The following SH3TC1 variants were observed in gnomAD, a reference collection of about 807,000 sequenced individuals.
The protein encoded by SH3TC1 is SH3 domain and tetratricopeptide repeats 1.
SH3TC1 carries 135 observed loss-of-function variants against 117.3 expected under a neutral mutation model. The ratio of observed to expected loss-of-function variants is 1.15; its 90% CI spans 1.00 to 1.33. The LOEUF (loss-of-function observed/expected upper bound fraction) is 1.33. Ranked by LOEUF, SH3TC1 falls within the 40% of genes most tolerant of loss-of-function variation. The pLI, the probability that SH3TC1 is intolerant of heterozygous loss-of-function variation, is 0.00. For synonymous variants in SH3TC1, 898 were observed against 816.9 expected (o/e 1.10, Z -1.69); for missense variants, 2,092 against 1,794.3 (o/e 1.17, Z -3.00).
At chr4:8,232,258 C>T (rs2152995081) in intron 13 of SH3TC1, 102 bp downstream of exon 13, 2 of 1,417,478 alleles carry the variant, frequency 1.4e-6, no homozygotes, top group East Asian at 2.7e-5. Context: ...CAGCCCCTCT[C>T]CTTGGGATCA....
intron 13 of SH3TC1, chr4:8,232,689 T>C (rs979594538): frequency 1.5e-6 from 2 of 1,290,594 alleles, no homozygotes. Flanking sequence ...ACCATGGCCC[T>C]GGCCACCCCA....
At chr4:8,211,568 G>A (rs981589364) in intron 3 of SH3TC1, among the ~76,000 whole-genome samples, 1 of 139,652 alleles carries the variant, frequency 7.2e-6, no homozygotes, top group African/African-American at 2.6e-5. Flanking sequence ...TCTCCCTTGG[G>A]GCAGCCATGC....
At position 8,232,028 on chromosome 4, in the gene SH3TC1, C is replaced by T. The variant is rs1435003876; in HGVS notation, c.3003C>T (p.Pro1001=). Residue 1001 remains proline (P), a synonymous_variant, in exon 13 of 18, where the codon CCC becomes CCT. Transcript: ENST00000245105. ...GCCACTTCTACAGCGCCGTCATGCC[C>T]AGCGAGGCCCAGTGTGTCATCTACC... ...RLCHFYSAVM[P]SEAQCVIYHE... is the part of the protein sequence containing the mutation. 5 of 1,613,124 alleles carry T rather than the reference C, an allele frequency of 3.1e-6. No homozygotes were observed. Among genetic ancestry groups the T allele is most frequent in the Non-Finnish European group, 8.5e-7 (1 of 1,180,042 alleles).
chr4:8,226,597 C>T (rs1242977613), intron 11 of SH3TC1, among the ~76,000 whole-genome samples: 1 of 152,322 alleles, frequency 6.6e-6, no homozygotes, highest in South Asian at 2.1e-4. Flanking sequence ...CGTAGTGCTG[C>T]GTACACTTGG....
chr4:8,233,639 C>T (rs1261846264), intron 14 of SH3TC1, 126 bp downstream of exon 14: 3 of 1,149,628 alleles, frequency 2.6e-6, no homozygotes, highest in African/African-American at 3.2e-5. Flanking sequence ...TCCTTCCTTC[C>T]ATCCATCCAT....
At chr4:8,234,116 T>C (rs912646975) in intron 14 of SH3TC1, among the ~76,000 whole-genome samples, 11 of 151,202 alleles carry the variant, frequency 7.3e-5, no homozygotes, top group Non-Finnish European at 1.0e-4. Context: ...CACCTGTTGA[T>C]CCTTCCATCA....
At position 8,205,515 on chromosome 4, in the gene SH3TC1, T is replaced by G; in HGVS notation, c.172+149T>G. On this transcript the variant is annotated intron_variant, in intron 2 of 17. Coordinates refer to ENST00000245105, the MANE Select transcript of SH3TC1 (RefSeq NM_018986.5). The surrounding 1 kb of genome is among the most constrained non-coding windows in gnomAD (Gnocchi z 5.4). ...CTGCTCTCCATCACTTCTCGTTTCC[T>G]TCCCCCGCGTGTGTTTAACAGGAGC... 4.6e-6 allele frequency: 5 copies of G among 1,092,080 alleles called. No homozygotes were observed. The Middle Eastern group carries it at 5.9e-4, about 129-fold the overall frequency. The allele number at this position is 1,092,080 out of a possible 1,614,324, so 67.6% of individuals were successfully genotyped here.
At position 8,227,479 on chromosome 4, in the gene SH3TC1, G is replaced by A; in HGVS notation, c.1785G>A (p.Gly595=). ...TGGGGGCCCTGGAGGGCAGCTTCGG[G>A]GACCTGTTCCTAGTGGTGGCTGTGT... ...EALGALEGSF[G]DLFLVVAVYA... The change falls in exon 12 of 18, where the codon GGG becomes GGA. Residue 595 remains glycine (G), a synonymous_variant. Transcript: ENST00000245105. The A allele has an allele frequency of 6.4e-7, 1 of 1,565,650 alleles. No individual in the cohort carries two copies.
rs1721950239 is a variant in SH3TC1 at position 8,237,665 on chromosome 4, C to G, written c.3748C>G (p.Leu1250Val). 3.1e-6 allele frequency: 5 copies of G among 1,599,654 alleles called. No individual in the cohort carries two copies. The highest frequency in any genetic ancestry group is 3.4e-6 in the Non-Finnish European group (4 of 1,171,438). ...LVLGDIIFYDLKDPFDAAGYY... is the reference protein window; with the variant it reads ...LVLGDIIFYDVKDPFDAAGYY... ...GCTCGGTGACATCATCTTCTACGAC[C>G]TGAAGGTGGGTGGGGAGGGGCTGGG... The change falls in exon 17 of 18, where the codon CTG (leucine) becomes GTG (valine). Residue 1250 changes from leucine to valine, a missense_variant. Physicochemically the swap from Leu to Val is conservative, Grantham distance 32 (BLOSUM62 1). Transcript: ENST00000245105.
rs1718258643 is a variant in SH3TC1 at position 8,206,924 on chromosome 4, A to G, written c.172+1558A>G. On this transcript the variant is annotated intron_variant, in intron 2 of 17. Transcript: ENST00000245105. The surrounding 1 kb of genome is among the most constrained non-coding windows in gnomAD (Gnocchi z 5.5). Reference sequence around the variant, plus strand: ...TGCAGACATGATGCCCCTTCATCCTAAAAGGTGTCCATATTTCCTAAAACC... The same window carrying G: ...TGCAGACATGATGCCCCTTCATCCTGAAAGGTGTCCATATTTCCTAAAACC... Among the ~76,000 whole-genome samples the G allele has an allele frequency of 1.3e-5, 2 of 151,836 alleles. No individual in the cohort carries two copies. The highest frequency in any genetic ancestry group is 2.1e-4 in the South Asian group (1 of 4,820).
chr4:8,232,488 G>T, intron 13 of SH3TC1: 3 of 1,421,552 alleles, frequency 2.1e-6, no homozygotes, highest in Non-Finnish European at 2.8e-6. Flanking sequence ...TCTGACCTCT[G>T]CCTGCCCCGA....
At chr4:8,204,936 C>T (rs575878238) in intron 1 of SH3TC1, 19 of 354,416 alleles carry the variant, frequency 5.4e-5, no homozygotes, top group Middle Eastern at 7.4e-4. Flanking sequence ...GAGGAGGCCC[C>T]GTGGAGGAAG....
Position 8,225,984 on chromosome 4 carries a change from C to T in SH3TC1, c.1285+768C>T, listed in dbSNP as rs1448659455. Among the ~76,000 whole-genome samples, 1 of 152,092 alleles carries T rather than the reference C, an allele frequency of 6.6e-6. No individual in the cohort carries two copies. Among genetic ancestry groups the T allele is most frequent in the Non-Finnish European group, 1.5e-5 (1 of 68,032 alleles). On this transcript the variant is annotated intron_variant, in intron 11 of 17. Coordinates refer to ENST00000245105, the MANE Select transcript of SH3TC1 (RefSeq NM_018986.5). This position sits in a 1 kb window ranked among gnomAD's most constrained non-coding sequence, Gnocchi z 5.5. ...AATAGCTGGGAGGGGCTGTTTGCCT[C>T]TGCCGGGCAGGGAGATTTCTTAGCT...
At chr4:8,234,391 C>CAT (rs1721603120) in intron 14 of SH3TC1, among the ~76,000 whole-genome samples, 3 of 152,002 alleles carry the variant, frequency 2.0e-5, no homozygotes, top group Non-Finnish European at 4.4e-5. Context: ...TCTATCCATC[C>CAT]ATATGTACAT....
intron 7 of SH3TC1, among the ~76,000 whole-genome samples, chr4:8,218,010 A>G (rs1194533668): frequency 1.3e-5 from 2 of 151,358 alleles, no homozygotes; most frequent in African/African-American, 4.8e-5. Context: ...CCAGGCCCAC[A>G]GGGGTGGCGG....
intron 16 of SH3TC1, 60 bp downstream of exon 16, chr4:8,236,488 G>C: frequency 7.1e-7 from 1 of 1,417,574 alleles, no homozygotes; most frequent in Non-Finnish European, 9.2e-7. Context: ...TCAGCCTCCA[G>C]GTCTGCAGGG....
At chr4:8,232,662 C>A in intron 13 of SH3TC1, 2 of 1,293,602 alleles carry the variant, frequency 1.5e-6, no homozygotes, top group Non-Finnish European at 2.0e-6. Context: ...CCTGGAGCAT[C>A]CTGACCTGGT....
At position 8,225,019 on chromosome 4, in the gene SH3TC1, C is replaced by A; in HGVS notation, c.1244-156C>A. 1 of 887,568 alleles carries A rather than the reference C, an allele frequency of 1.1e-6. No individual in the cohort carries two copies. Among genetic ancestry groups the A allele is most frequent in the African/African-American group, 1.7e-5 (1 of 60,344 alleles). 55.0% of individuals were successfully genotyped at this position (887,568 alleles called of 1,614,324 possible). A position where few individuals can be genotyped will look rare whatever the true frequency, so the allele number is the denominator to read the frequency against. ...CCTGCAACACCTGCACCCTGCAACA[C>A]TCCAGCCCGCAACACCAGCACCCTG... On this transcript the variant is annotated intron_variant, in intron 10 of 17. Coordinates refer to ENST00000245105, the MANE Select transcript of SH3TC1 (RefSeq NM_018986.5). The surrounding 1 kb of genome is among the most constrained non-coding windows in gnomAD (Gnocchi z 5.5).
At chr4:8,188,870 C>T (rs1266433022) in intron 1 of SH3TC1, among the ~76,000 whole-genome samples, 1 of 152,230 alleles carries the variant, frequency 6.6e-6, no homozygotes, top group Non-Finnish European at 1.5e-5. Context: ...CAGCCACCTC[C>T]TCCCTGTCTC....
Sources: gnomAD v4.1 joint callset for allele counts (sites outside exome capture counted in the v4.1 genomes callset) on GRCh38, gnomAD v4.1.1 for gene constraint, Gnocchi (gnomAD v3.1) non-coding constraint, MANE v1.5 for transcripts, NCBI Gene and HGNC (gene_info 2026-07-23, HGNC 2026-07-21) for gene names.